Variants in BPHL observed in about 807,000 individuals in gnomAD.
BPHL encodes the protein serine hydrolase BPHL.
BPHL carries 27 observed loss-of-function variants against 31.2 expected under a neutral mutation model. The ratio of observed to expected loss-of-function variants is 0.87; its 90% confidence interval spans 0.64 to 1.19. The LOEUF is 1.19. Among genes scored for constraint, BPHL ranks in the 50% most tolerant of loss-of-function variants. The pLI is 0.00. For synonymous variants in BPHL, 150 were observed against 146.8 expected, an observed-to-expected ratio of 1.02 and a Z score of -0.16; for missense variants, 356 against 375.7, an observed-to-expected ratio of 0.95 and a Z score of 0.43.
At chr6:3,145,580 CGG>C (rs1762318965) in intron 6 of BPHL, among the ~76,000 whole-genome samples, 1 of 21,292 alleles carries the variant, frequency 4.7e-5, no homozygotes, top group African/African-American at 1.8e-4. Context: ...TGGTGTGGGT[CGG>C]AGTGCTGGTT....
In BPHL at chr6:3,129,171, A is replaced by G. The variant is rs1761798496; in HGVS notation, c.505A>G (p.Thr169Ala). 2 of 1,602,118 alleles carry G rather than the reference A, an allele frequency of 1.2e-6. No homozygotes were observed. The highest frequency in any genetic ancestry group is 3.4e-5 in the Admixed American group (2 of 58,368). ...GATCTGGGGCGCCAACGCCTACGTC[A>G]CTGACGAAGACAGCATGATATATGA... The part of the protein sequence containing the change: ...MVIWGANAYV[T>A]DEDSMIYEGI... The change falls in exon 4 of 7, where the codon ACT (threonine) becomes GCT (alanine). Residue 169 changes from threonine to alanine, a missense_variant. Thr to Ala is a moderately conservative substitution (Grantham distance 58). Coordinates refer to ENST00000380379, the MANE Select transcript of BPHL (RefSeq NM_004332.4).
intron 4 of BPHL, among the ~76,000 whole-genome samples, chr6:3,131,383 G>T (rs1285280966): frequency 6.6e-6 from 1 of 152,008 alleles, no homozygotes; most frequent in Non-Finnish European, 1.5e-5. Context: ...TCCCTCGAGG[G>T]CCCAGTCCTC....
intron 4 of BPHL, among the ~76,000 whole-genome samples, chr6:3,129,909 C>G (rs377152857): frequency 6.6e-6 from 1 of 150,934 alleles, no homozygotes; most frequent in Non-Finnish European, 1.5e-5. Flanking sequence ...TGGATTCAAG[C>G]GATTCTCCTG....
In BPHL at chr6:3,152,610, T is replaced by TG. The variant is rs750757495; in HGVS notation, c.*39dup. The TG allele has an allele frequency of 2.9e-5, 46 of 1,584,802 alleles. No homozygotes were observed. Among genetic ancestry groups the TG allele is most frequent in the Non-Finnish European group, 4.0e-5 (46 of 1,158,752 alleles). ...CTCCAGTCTTGGTGGTTCCTTCGTG[T>TG]GGGGCTTGATCGTGTTGCTGCCTGT... is the stretch of plus-strand genomic sequence containing the variant. On this transcript the variant is annotated 3_prime_UTR_variant, in exon 7 of 7. Coordinates refer to ENST00000380379, the MANE Select transcript of BPHL (RefSeq NM_004332.4).
At chr6:3,125,223 T>A (rs531990664) in intron 2 of BPHL, among the ~76,000 whole-genome samples, 2 of 152,242 alleles carry the variant, frequency 1.3e-5, no homozygotes, top group African/African-American at 4.8e-5. Flanking sequence ...TTTTGTATTT[T>A]TAGTAGAGAC....
intron 2 of BPHL, 121 bp downstream of exon 2, chr6:3,123,881 C>T: frequency 1.2e-6 from 1 of 817,170 alleles, no homozygotes; most frequent in South Asian, 2.3e-5. Context: ...TTCATATTTG[C>T]TACAATCAAA....
rs1176445745 is a variant in BPHL at position 3,149,848 on chromosome 6, C to T, written c.789-2640C>T. Among the ~76,000 whole-genome samples the T allele has an allele frequency of 6.6e-6, 1 of 152,134 alleles. No homozygotes were observed. The highest frequency in any genetic ancestry group is 1.5e-5 in the Non-Finnish European group (1 of 68,014). On this transcript the variant is annotated intron_variant, in intron 6 of 6. Transcript: ENST00000380379. This position sits in a 1 kb window ranked among gnomAD's most constrained non-coding sequence, Gnocchi z 4.6. ...TTCACCACATTGACCAGGCTGGTCT[C>T]GAACTCCTGACCTCAAGTGATCCAC...
At chr6:3,146,146 TTGGAGTGCTGGTTCGGGG>T (rs1317019007) in intron 6 of BPHL, among the ~76,000 whole-genome samples, 1,169 of 28,078 alleles carry the variant, frequency 0.042, 226 homozygotes, top group African/African-American at 0.19. Flanking sequence ...CTGGTTCGGG[TTGGAGTGCTGGTTCGGGG>T]TGGAGTGCTG....
intron 4 of BPHL, among the ~76,000 whole-genome samples, chr6:3,132,325 G>A (rs936401681): frequency 7.2e-5 from 11 of 152,094 alleles, no homozygotes; most frequent in Non-Finnish European, 8.8e-5. Flanking sequence ...TCTTGCCACC[G>A]TGTTCTCCCG....
chr6:3,140,289 G>A lies in BPHL; in HGVS notation c.665-97G>A. Reference sequence around the variant, plus strand: ...CACAGTTTTTACGGATAGGGAAACTGAGGGCCAAGGAGGGGCAGGGCTCGC... The same window carrying A: ...CACAGTTTTTACGGATAGGGAAACTAAGGGCCAAGGAGGGGCAGGGCTCGC... On this transcript the variant is annotated intron_variant, in intron 5 of 6. Transcript: ENST00000380379. This position sits in a 1 kb window ranked among gnomAD's most constrained non-coding sequence, Gnocchi z 5.2. 4 of 1,483,452 alleles carry A rather than the reference G, an allele frequency of 2.7e-6. No homozygotes were observed. The highest frequency in any genetic ancestry group is 3.7e-6 in the Non-Finnish European group (4 of 1,089,426). The allele number at this position is 1,483,452 out of a possible 1,614,324, so 91.9% of individuals were successfully genotyped here. A position where few individuals can be genotyped will look rare whatever the true frequency, so the allele number is the denominator to read the frequency against.
chr6:3,143,817 G>A (rs1762242244), intron 6 of BPHL, among the ~76,000 whole-genome samples: 1 of 152,248 alleles, frequency 6.6e-6, no homozygotes, highest in Non-Finnish European at 1.5e-5. Flanking sequence ...CAGTGCTTCT[G>A]AGGAGGTGCT....
Position 3,118,794 on chromosome 6 carries a change from A to G in BPHL, c.54A>G (p.Ser18=), listed in dbSNP as rs1761465454. The G allele has an allele frequency of 1.6e-6, 2 of 1,247,016 alleles. No homozygotes were observed. Among genetic ancestry groups the G allele is most frequent in the African/African-American group, 1.6e-5 (1 of 64,480 alleles). 77.2% of individuals were successfully genotyped at this position (1,247,016 alleles called of 1,614,324 possible). The stretch of plus-strand genomic sequence containing the variant: ...TGTTGCGCCTGCGGCTGCTTCTCTC[A>G]GCGCTGAAGCCCGGGATCCACGTCC... The part of the protein sequence containing the change: ...RGVLRLRLLL[S]ALKPGIHVPR... The change falls in exon 1 of 7, where the codon TCA becomes TCG. Residue 18 remains serine, a synonymous_variant. Coordinates refer to ENST00000380379, the MANE Select transcript of BPHL (RefSeq NM_004332.4).
intron 6 of BPHL, among the ~76,000 whole-genome samples, chr6:3,148,850 G>C (rs952813833): frequency 6.6e-6 from 1 of 152,176 alleles, no homozygotes; most frequent in Non-Finnish European, 1.5e-5. Context: ...CCTCTCTTAA[G>C]AGAAGAAACC....
At chr6:3,151,753 G>A (rs1382621749) in intron 6 of BPHL, among the ~76,000 whole-genome samples, 1 of 152,202 alleles carries the variant, frequency 6.6e-6, no homozygotes, top group African/African-American at 2.4e-5. Flanking sequence ...CAAAGAGAAG[G>A]CTGCATTTGT....
At chr6:3,121,380 A>G (rs1375459925) in intron 1 of BPHL, among the ~76,000 whole-genome samples, 3 of 140,232 alleles carry the variant, frequency 2.1e-5, no homozygotes, top group African/African-American at 8.3e-5. Flanking sequence ...GCTCACTGTA[A>G]TCTTCACCTC....
chr6:3,135,518 C>T (rs963578751), intron 4 of BPHL, among the ~76,000 whole-genome samples: 6 of 152,204 alleles, frequency 3.9e-5, no homozygotes, highest in South Asian at 2.1e-4. Flanking sequence ...GAATACATTG[C>T]GTTTTTGTTT....
intron 5 of BPHL, chr6:3,139,453 C>A (rs1428156011): frequency 6.6e-6 from 1 of 152,104 alleles, no homozygotes; most frequent in Non-Finnish European, 1.5e-5. Context: ...GTGTCAGAGA[C>A]CTGGAGAAGT....
chr6:3,127,130 C>T (rs1242831424), intron 2 of BPHL, 112 bp from the exon 3 acceptor site: 2 of 694,112 alleles, frequency 2.9e-6, no homozygotes, highest in Non-Finnish European at 4.5e-6. Flanking sequence ...ACATTCTGAC[C>T]ACTTTGAGTA....
rs765526267 is a variant in BPHL at position 3,123,767 on chromosome 6, G to A, written c.211+7G>A. The A allele has an allele frequency of 3.7e-6, 6 of 1,605,598 alleles. No individual in the cohort carries two copies. Among genetic ancestry groups the A allele is most frequent in the African/African-American group, 1.3e-5 (1 of 74,738 alleles). On this transcript the variant is annotated splice_region_variant and intron_variant, in intron 2 of 6. Coordinates refer to ENST00000380379, the MANE Select transcript of BPHL (RefSeq NM_004332.4). Reference sequence around the variant, plus strand: ...CTACTTCCTGGGATGTTAGGTCTGGGTACTTTTTAATGGAATGTTTTTGCA... The same window carrying A: ...CTACTTCCTGGGATGTTAGGTCTGGATACTTTTTAATGGAATGTTTTTGCA...
Sources: allele counts gnomAD v4.1 joint callset (sites outside exome capture counted in the v4.1 genomes callset), GRCh38; gene constraint gnomAD v4.1.1; non-coding constraint Gnocchi (gnomAD v3.1); transcripts MANE v1.5; gene names NCBI Gene and HGNC (gene_info 2026-07-23, HGNC 2026-07-21).